CADM2: variants seen among roughly 807,000 people sequenced by gnomAD.
CADM2 encodes the protein immunoglobulin superfamily member 4D.
A neutral mutation model predicts 49.8 loss-of-function variants in CADM2; 12 were observed. The ratio of observed to expected loss-of-function variants is 0.24; its 90% CI spans 0.15 to 0.39. The LOEUF is 0.39. CADM2 is among the 10% of genes least tolerant of loss of function. The probability of loss-of-function intolerance (pLI) is 1.00; values close to 1 mark genes in which losing one functional copy is unlikely to be tolerated. For missense variants in CADM2, 378 were observed against 492.3 expected, an observed-to-expected ratio of 0.77 and a Z score of 2.20; for synonymous variants, 214 against 175.4, an observed-to-expected ratio of 1.22 and a Z score of -1.74.
At chr3:85,187,455 A>T (rs2041092146) in intron 1 of CADM2, among the ~76,000 whole-genome samples, 1 of 152,070 alleles carries the variant, frequency 6.6e-6, no homozygotes, top group Non-Finnish European at 1.5e-5. Flanking sequence ...AGTTTTTTTT[A>T]AATGGCTATA....
At chr3:85,736,829 G>A (rs1577195879) in intron 2 of CADM2, among the ~76,000 whole-genome samples, 1 of 152,242 alleles carries the variant, frequency 6.6e-6, no homozygotes, top group East Asian at 1.9e-4. Flanking sequence ...AGATGACAAA[G>A]AGAAAAGGTG....
At chr3:85,092,646 G>C (rs1030279123) in intron 1 of CADM2, among the ~76,000 whole-genome samples, 1 of 151,968 alleles carries the variant, frequency 6.6e-6, no homozygotes, top group Non-Finnish European at 1.5e-5. Flanking sequence ...TAATCTTGTG[G>C]CTCAGCTTCC....
chr3:85,093,091 CG>C (rs1490488737), intron 1 of CADM2, among the ~76,000 whole-genome samples: 10 of 152,126 alleles, frequency 6.6e-5, no homozygotes, highest in African/African-American at 2.2e-4. Flanking sequence ...CAGATGTCCT[CG>C]GACAAAATTC....
chr3:84,969,343 T>C (rs777286037), intron 1 of CADM2, among the ~76,000 whole-genome samples: 26 of 152,060 alleles, frequency 1.7e-4, no homozygotes, highest in Non-Finnish European at 3.2e-4. Context: ...GTTTTAGTTT[T>C]AGTAGACAAA....
At chr3:85,964,041 T>A (rs2108622432) in intron 8 of CADM2, among the ~76,000 whole-genome samples, 1 of 151,992 alleles carries the variant, frequency 6.6e-6, no homozygotes, top group South Asian at 2.1e-4. Flanking sequence ...ATAAAGGTTT[T>A]TTCCCCTTTG....
intron 1 of CADM2, among the ~76,000 whole-genome samples, chr3:85,689,641 G>A (rs544028481): frequency 1.3e-5 from 2 of 152,222 alleles, no homozygotes; most frequent in South Asian, 2.1e-4. Flanking sequence ...ATAAGAAGGA[G>A]TTGCTGGGTC....
intron 3 of CADM2, among the ~76,000 whole-genome samples, chr3:85,803,449 G>T (rs1457994541): frequency 2.6e-5 from 4 of 152,024 alleles, no homozygotes; most frequent in African/African-American, 7.2e-5. Flanking sequence ...GGAACTGTTA[G>T]GGGCCTCCAG....
At chr3:85,800,126 T>A (rs906003255) in intron 2 of CADM2, 3 of 152,240 alleles carry the variant, frequency 2.0e-5, no homozygotes, top group Non-Finnish European at 4.4e-5. Context: ...AACAGAGGAT[T>A]TTTGTCGCTG....
chr3:86,015,140 G>T, intron 8 of CADM2: 2 of 500,958 alleles, frequency 4.0e-6, no homozygotes, highest in Non-Finnish European at 3.6e-6. Context: ...TTAAAAATAG[G>T]CCTTCTTATA....
At chr3:85,329,204 C>T (rs2044839906) in intron 1 of CADM2, among the ~76,000 whole-genome samples, 1 of 152,056 alleles carries the variant, frequency 6.6e-6, no homozygotes, top group African/African-American at 2.4e-5. Context: ...TTCTTTAAGC[C>T]ACTCAGTTTG....
intron 1 of CADM2, among the ~76,000 whole-genome samples, chr3:84,997,569 CTGAG>C (rs1397921504): frequency 1.3e-5 from 2 of 151,814 alleles, no homozygotes; most frequent in Non-Finnish European, 2.9e-5. Context: ...TCTGAAATAA[CTGAG>C]TTTTTCTCTT....
intron 1 of CADM2, among the ~76,000 whole-genome samples, chr3:85,563,770 G>C (rs1576813030): frequency 6.6e-6 from 1 of 152,130 alleles, no homozygotes; most frequent in East Asian, 1.9e-4. Context: ...AATGAAGCAA[G>C]TGGCCAAAAT....
intron 1 of CADM2, among the ~76,000 whole-genome samples, chr3:85,426,254 G>T (rs1576532214): frequency 2.0e-5 from 3 of 151,506 alleles, no homozygotes. Context: ...CAATCTCCCT[G>T]CCTCAGCCTC....
intron 1 of CADM2, among the ~76,000 whole-genome samples, chr3:85,586,697 C>T (rs959007244): frequency 6.6e-6 from 1 of 152,010 alleles, no homozygotes; most frequent in Non-Finnish European, 1.5e-5. Flanking sequence ...TTTACCATTC[C>T]TTTTAATGAA....
chr3:85,295,115 C>A (rs1042602128), intron 1 of CADM2, among the ~76,000 whole-genome samples: 1 of 152,122 alleles, frequency 6.6e-6, no homozygotes, highest in Non-Finnish European at 1.5e-5. Context: ...ACAACCCCAT[C>A]AAAAAGTGGG....
intron 1 of CADM2, among the ~76,000 whole-genome samples, chr3:85,314,218 C>T (rs2107065995): frequency 6.6e-6 from 1 of 152,194 alleles, no homozygotes; most frequent in South Asian, 2.1e-4. Flanking sequence ...TAATTATTTA[C>T]TTTGCTTTAC....
At chr3:85,993,812 G>C (rs1043497897) in intron 8 of CADM2, 2 of 151,662 alleles carry the variant, frequency 1.3e-5, no homozygotes, top group Non-Finnish European at 2.9e-5. Context: ...TTTCTGAGCA[G>C]TAGGTCTCAG....
At chr3:85,479,176 A>G (rs1046917990) in intron 1 of CADM2, among the ~76,000 whole-genome samples, 2 of 151,684 alleles carry the variant, frequency 1.3e-5, no homozygotes, top group African/African-American at 4.8e-5. Context: ...CTAGTGTCCA[A>G]CTCCTGTAAT....
intron 1 of CADM2, among the ~76,000 whole-genome samples, chr3:85,316,782 T>C (rs1236458480): frequency 6.6e-6 from 1 of 152,078 alleles, no homozygotes; most frequent in African/African-American, 2.4e-5. Flanking sequence ...AATCCATTTA[T>C]GTAGAAATAT....
Sources: gnomAD v4.1 joint callset for allele counts (sites outside exome capture counted in the v4.1 genomes callset) on GRCh38, gnomAD v4.1.1 for gene constraint, MANE v1.5 for transcripts, NCBI Gene and HGNC (gene_info 2026-07-23, HGNC 2026-07-21) for gene names.